FRAS1: variants seen among roughly 807,000 people sequenced by gnomAD.
FRAS1 encodes the protein Fraser extracellular matrix complex subunit 1, also known as extracellular matrix organizing protein FRAS1.
A neutral mutation model predicts 435.2 loss-of-function variants in FRAS1; 290 were observed. The observed-to-expected ratio is 0.67, with a 90% CI of 0.61 to 0.73. The LOEUF is 0.73. Among genes scored for constraint, FRAS1 ranks in the 30% least tolerant of loss-of-function variants. The pLI, the probability that FRAS1 is intolerant of heterozygous loss-of-function variation, is 0.00. For missense variants in FRAS1, 4,860 were observed against 5,001.5 expected (o/e 0.97, Z 0.85); for synonymous variants, 1,800 against 1,851.0 (o/e 0.97, Z 0.71).
At chr4:78,407,609 G>A in intron 30 of FRAS1, 54 bp from the exon 31 acceptor site, 2 of 1,452,828 alleles carry the variant, frequency 1.4e-6, no homozygotes, top group Non-Finnish European at 1.9e-6. Context: ...AGGAGGTAAG[G>A]GCTCTGACTT....
intron 14 of FRAS1, among the ~76,000 whole-genome samples, chr4:78,303,732 T>C (rs983137792): frequency 1.3e-5 from 2 of 149,828 alleles, no homozygotes; most frequent in Non-Finnish European, 2.9e-5. Flanking sequence ...CTGAAGTTGC[T>C]TATCAGCCTA....
intron 31 of FRAS1, among the ~76,000 whole-genome samples, chr4:78,411,348 G>A (rs1416215180): frequency 6.6e-6 from 1 of 152,100 alleles, no homozygotes; most frequent in Non-Finnish European, 1.5e-5. Context: ...CTGACATCAA[G>A]TGATCCGCCC....
chr4:78,282,904 C>G lies in FRAS1; in HGVS notation c.1192C>G (p.Pro398Ala). The G allele has an allele frequency of 6.2e-7, 1 of 1,612,068 alleles. No individual in the cohort carries two copies. The highest frequency in any genetic ancestry group is 8.5e-7 in the Non-Finnish European group (1 of 1,179,320). Residue 398 changes from proline (P) to alanine (A), a missense_variant, in exon 12 of 74, where the codon CCA (proline) becomes GCA (alanine). Coordinates refer to ENST00000512123, the MANE Select transcript of FRAS1 (RefSeq NM_025074.7). ...AACTTGCTACGAGCCCTCTTGCCCA[C>G]CATGTCCAGTGGGCACACTGGCCTT... ...QVTCYEPSCPPCPVGTLALEV... is the reference protein window; with the variant it reads ...QVTCYEPSCPACPVGTLALEV...
chr4:78,216,896 A>T (rs927503324), intron 2 of FRAS1, among the ~76,000 whole-genome samples: 3 of 152,116 alleles, frequency 2.0e-5, no homozygotes, highest in Admixed American at 6.5e-5. Flanking sequence ...TTTCAAGGAG[A>T]TGCTAGAAGA....
At chr4:78,417,809 A>G (rs573424551) in intron 32 of FRAS1, among the ~76,000 whole-genome samples, 1 of 151,942 alleles carries the variant, frequency 6.6e-6, no homozygotes, top group African/African-American at 2.4e-5. Flanking sequence ...AGGAGATTCC[A>G]TCTGAAAGAA....
At chr4:78,355,814 G>A (rs954218757) in intron 20 of FRAS1, among the ~76,000 whole-genome samples, 4 of 152,100 alleles carry the variant, frequency 2.6e-5, no homozygotes, top group Non-Finnish European at 5.9e-5. Flanking sequence ...GTATTTTAGG[G>A]GGAATTCACC....
intron 2 of FRAS1, among the ~76,000 whole-genome samples, chr4:78,118,630 A>G (rs1356303222): frequency 6.6e-6 from 1 of 152,214 alleles, no homozygotes; most frequent in South Asian, 2.1e-4. Flanking sequence ...GGCCCAGGAT[A>G]CAATCTCCTG....
rs554191231 is a variant in FRAS1, at chr4:78,473,670, TG to T, written c.7682+79del. 151 of 1,240,396 alleles carry T rather than the reference TG, an allele frequency of 1.2e-4. No homozygotes were observed. The South Asian group carries it at 2.1e-3, about 17-fold the overall frequency. The allele number at this position is 1,240,396 out of a possible 1,614,324, so 76.8% of individuals were successfully genotyped here. Reference sequence around the variant, plus strand: ...CAGAGGGAGTCAGGATGAAGGATGCTGGGGGGCAGCTCTAGTCACCTCTTGA... The same window carrying T: ...CAGAGGGAGTCAGGATGAAGGATGCTGGGGGCAGCTCTAGTCACCTCTTGA... On this transcript the variant is annotated intron_variant, in intron 53 of 73. Transcript: ENST00000512123.
At chr4:78,525,383 G>A (rs1315998956) in intron 69 of FRAS1, among the ~76,000 whole-genome samples, 2 of 152,158 alleles carry the variant, frequency 1.3e-5, no homozygotes, top group East Asian at 1.9e-4. Context: ...CTTTTAGAAC[G>A]GGAAGGAGCT....
At chr4:78,334,517 C>G (rs568785954) in intron 19 of FRAS1, among the ~76,000 whole-genome samples, 1 of 151,406 alleles carries the variant, frequency 6.6e-6, no homozygotes, top group African/African-American at 2.4e-5. Context: ...ATTACAAGTG[C>G]GTGCCACCAC....
chr4:78,303,277 G>C (rs1728518156), intron 14 of FRAS1, among the ~76,000 whole-genome samples: 1 of 152,168 alleles, frequency 6.6e-6, no homozygotes, highest in Non-Finnish European at 1.5e-5. Flanking sequence ...AGTATAGTTT[G>C]AAGTCAGGTA....
intron 2 of FRAS1, among the ~76,000 whole-genome samples, chr4:78,199,660 C>T (rs1233392308): frequency 2.0e-5 from 3 of 152,158 alleles, no homozygotes; most frequent in Non-Finnish European, 2.9e-5. Flanking sequence ...AAAAGAGATT[C>T]GTGAGAAGAC....
intron 2 of FRAS1, among the ~76,000 whole-genome samples, chr4:78,183,732 T>TTGGGTG (rs1722146200): frequency 7.3e-6 from 1 of 136,940 alleles, no homozygotes; most frequent in Non-Finnish European, 1.6e-5. Flanking sequence ...TTCATTCTCT[T>TTGGGTG]TGTGTGTGTG....
chr4:78,395,407 T>A (rs1310529343), intron 29 of FRAS1, among the ~76,000 whole-genome samples: 1 of 152,060 alleles, frequency 6.6e-6, no homozygotes, highest in Non-Finnish European at 1.5e-5. Context: ...AGTCCTCGAT[T>A]TCTTTATTGA....
At chr4:78,489,179 TTGTATAC>T in intron 59 of FRAS1, 99 bp downstream of exon 59, 1 of 1,134,552 alleles carries the variant, frequency 8.8e-7, no homozygotes, top group East Asian at 2.5e-5. Flanking sequence ...TCTCAGAATT[TTGTATAC>T]TACAGGTGAC....
chr4:78,477,829 G>C lies in FRAS1; in HGVS notation c.7866G>C (p.Glu2622Asp), dbSNP rs1200449729. ...CTTTGTGACAGGTCCAGTTTGATGA[G>C]CGAGAGGACACCAAGTCCTGCACCA... ...VEYAGQVQFD[E>D]REDTKSCTIV... is the part of the protein sequence containing the mutation. Residue 2622 changes from glutamate (E) to aspartate (D), a missense_variant, in exon 55 of 74, where the codon GAG becomes GAC. Transcript: ENST00000512123. 6.2e-7 allele frequency: 1 copy of C among 1,613,124 alleles called. No individual in the cohort carries two copies. The highest frequency in any genetic ancestry group is 1.7e-5 in the Admixed American group (1 of 59,990).
chr4:78,242,923 A>G lies in FRAS1; in HGVS notation c.217-2310A>G, dbSNP rs567806075. On this transcript the variant is annotated intron_variant, in intron 3 of 73. Coordinates refer to ENST00000512123, the MANE Select transcript of FRAS1 (RefSeq NM_025074.7). The stretch of plus-strand genomic sequence containing the variant: ...TTCTATATCCGTATCTTATATTCAT[A>G]TAGAATAGCTAGCTGGATAGGGACA... 4.6e-5 allele frequency among the ~76,000 whole-genome samples: 7 copies of G among 152,258 alleles called. No individual in the cohort carries two copies. The South Asian group carries it at 1.4e-3, about 32-fold the overall frequency.
chr4:78,482,394 A>G lies in FRAS1; in HGVS notation c.8611A>G (p.Thr2871Ala). The G allele has an allele frequency of 6.2e-7, 1 of 1,613,752 alleles. No individual in the cohort carries two copies. The highest frequency in any genetic ancestry group is 8.5e-7 in the Non-Finnish European group (1 of 1,179,786). ...GCTTTGGTTTCTCTTCTAGTATTGCACCTTGACTATCTTGGATGACACTCA... is the reference window on the plus strand; with the variant it reads ...GCTTTGGTTTCTCTTCTAGTATTGCGCCTTGACTATCTTGGATGACACTCA... ...FGPGVIEQYC[T>A]LTILDDTQYP... The change falls in exon 58 of 74, where the codon ACC becomes GCC. Residue 2871 changes from threonine (T) to alanine (A), a missense_variant. Thr to Ala is a moderately conservative substitution (Grantham distance 58, BLOSUM62 0). Coordinates refer to ENST00000512123, the MANE Select transcript of FRAS1 (RefSeq NM_025074.7).
intron 1 of FRAS1, among the ~76,000 whole-genome samples, chr4:78,065,400 G>T (rs1739984228): frequency 6.6e-6 from 1 of 151,830 alleles, no homozygotes; most frequent in Non-Finnish European, 1.5e-5. Context: ...AAATACACAA[G>T]AATAAATTCA....
Sources: gnomAD v4.1 joint callset for allele counts (sites outside exome capture counted in the v4.1 genomes callset) on GRCh38, gnomAD v4.1.1 for gene constraint, MANE v1.5 for transcripts, NCBI Gene and HGNC (gene_info 2026-07-23, HGNC 2026-07-21) for gene names.